MYLK4: variants seen among roughly 807,000 people sequenced by gnomAD.
The protein encoded by MYLK4 is caMLCK like.
A neutral mutation model predicts 48.1 loss-of-function variants in MYLK4; 46 were observed. The observed-to-expected ratio is 0.96, with a 90% CI of 0.75 to 1.22. The LOEUF (loss-of-function observed/expected upper bound fraction) is 1.22, where lower values mean the gene tolerates loss of function less well. Among genes scored for constraint, MYLK4 ranks in the 50% most tolerant of loss-of-function variants. The probability of loss-of-function intolerance (pLI) is 0.00; values close to 1 mark genes in which losing one functional copy is unlikely to be tolerated. For missense variants in MYLK4, 451 were observed against 486.1 expected (o/e 0.93, Z 0.68); for synonymous variants, 170 against 180.8 (o/e 0.94, Z 0.48).
chr6:2,703,662 A>ATTTTTTTTT (rs759946900), intron 2 of MYLK4, among the ~76,000 whole-genome samples: 1 of 62,138 alleles, frequency 1.6e-5, no homozygotes, highest in African/African-American at 6.6e-5. Flanking sequence ...CCCTTTGTGA[A>ATTTTTTTTT]TTCTTTTTTT....
At chr6:2,764,546 C>T in the MYLK4 span, among the ~76,000 whole-genome samples, 9 of 138,504 alleles carry the variant, frequency 6.5e-5, no homozygotes, top group African/African-American at 2.2e-4. Flanking sequence ...TGTTTTAAAA[C>T]GGGAGACTTA....
chr6:2,747,476 G>T (rs1764138326), intron 2 of MYLK4, among the ~76,000 whole-genome samples: 1 of 152,048 alleles, frequency 6.6e-6, no homozygotes, highest in African/African-American at 2.4e-5. Context: ...CTCCCAAGTA[G>T]CTGGGACTAC....
In MYLK4 at chr6:2,678,387, G is replaced by A. The variant is rs780536366; in HGVS notation, c.888-15C>T. On this transcript the variant is annotated splice_polypyrimidine_tract_variant and intron_variant, in intron 9 of 12. Transcript: ENST00000274643. Reference sequence around the variant, plus strand: ...AACCGCTAAGTCTGGAGGACACGGGGTCCAGAGTGAGTATTTTTTAAACAG... The same window carrying A: ...AACCGCTAAGTCTGGAGGACACGGGATCCAGAGTGAGTATTTTTTAAACAG... 1.1e-5 allele frequency: 18 copies of A among 1,612,090 alleles called. No individual in the cohort carries two copies. Among genetic ancestry groups the A allele is most frequent in the Non-Finnish European group, 1.5e-5 (18 of 1,179,126 alleles).
chr6:2,695,379 T>C (rs77781637), intron 2 of MYLK4, among the ~76,000 whole-genome samples: 16,258 of 152,240 alleles, frequency 0.11, 1,014 homozygotes, highest in East Asian at 0.24. Flanking sequence ...TAAGACTCCA[T>C]GGAGCACTGA....
At chr6:2,759,140 A>G in the MYLK4 span, among the ~76,000 whole-genome samples, 45 of 152,214 alleles carry the variant, frequency 3.0e-4, no homozygotes, top group Admixed American at 2.9e-3. Flanking sequence ...TTTTAGAGAC[A>G]GGTCTTACTC....
At chr6:2,768,785 G>T in the MYLK4 span, 2 of 1,613,802 alleles carry the variant, frequency 1.2e-6, no homozygotes, top group African/African-American at 1.3e-5. Flanking sequence ...AATGATGTGC[G>T]AGATGTCATA....
chr6:2,716,646 A>T (rs1762875745), intron 2 of MYLK4, among the ~76,000 whole-genome samples: 1 of 152,100 alleles, frequency 6.6e-6, no homozygotes, highest in Non-Finnish European at 1.5e-5. Context: ...AGTAGGGGAA[A>T]CTGATCCACA....
intron 3 of MYLK4, among the ~76,000 whole-genome samples, chr6:2,690,327 A>G (rs1235689772): frequency 6.6e-6 from 1 of 151,592 alleles, no homozygotes; most frequent in Non-Finnish European, 1.5e-5. Context: ...CTCCTCTGCC[A>G]CTCCACGCTT....
At chr6:2,721,850 C>A (rs1763080867) in intron 2 of MYLK4, among the ~76,000 whole-genome samples, 1 of 152,234 alleles carries the variant, frequency 6.6e-6, no homozygotes, top group Admixed American at 6.5e-5. Context: ...GACTTCTCAA[C>A]AGCTGCATGA....
At chr6:2,725,436 C>T (rs1279480488) in intron 2 of MYLK4, among the ~76,000 whole-genome samples, 1 of 151,796 alleles carries the variant, frequency 6.6e-6, no homozygotes, top group Non-Finnish European at 1.5e-5. Context: ...GATTGCACTA[C>T]TGCACTCCAG....
intron 2 of MYLK4, among the ~76,000 whole-genome samples, chr6:2,707,633 C>G (rs1762539172): frequency 6.6e-6 from 1 of 152,174 alleles, no homozygotes; most frequent in Non-Finnish European, 1.5e-5. Context: ...GTGTTAAGCA[C>G]ATTTTATGAA....
chr6:2,692,940 G>A lies in MYLK4; in HGVS notation c.160-81C>T, dbSNP rs567960083. 1.1e-4 allele frequency: 140 copies of A among 1,281,382 alleles called. No homozygotes were observed. The Admixed American group carries it at 2.2e-3, about 20-fold the overall frequency. 79.4% of individuals were successfully genotyped at this position (1,281,382 alleles called of 1,614,324 possible). Reference sequence around the variant, plus strand: ...CTCAGCACTCCTGACACTTGCGCTGGATGATTCCGTGTGGTGGGGAATGTC... The same window carrying A: ...CTCAGCACTCCTGACACTTGCGCTGAATGATTCCGTGTGGTGGGGAATGTC... On this transcript the variant is annotated intron_variant, in intron 2 of 12. Transcript: ENST00000274643.
intron 6 of MYLK4, among the ~76,000 whole-genome samples, chr6:2,684,108 A>G (rs1422373064): frequency 2.0e-5 from 3 of 152,206 alleles, no homozygotes; most frequent in Non-Finnish European, 1.5e-5. Flanking sequence ...GAACAATTAT[A>G]ACAACACGCC....
chr6:2,671,119 G>T (rs149398286), intron 12 of MYLK4, among the ~76,000 whole-genome samples, 157 bp downstream of exon 12: 1 of 152,244 alleles, frequency 6.6e-6, no homozygotes, highest in East Asian at 1.9e-4. Context: ...AAGAGCAGAG[G>T]CAGGGTGCAA....
chr6:2,709,370 T>A (rs527660353), intron 2 of MYLK4, among the ~76,000 whole-genome samples: 94 of 152,370 alleles, frequency 6.2e-4, no homozygotes, highest in African/African-American at 2.2e-3. Context: ...AGTGGTGCCA[T>A]GAGACTTGCG....
chr6:2,681,529 AC>A (rs1377364303), intron 7 of MYLK4, among the ~76,000 whole-genome samples: 1 of 152,144 alleles, frequency 6.6e-6, no homozygotes, highest in Non-Finnish European at 1.5e-5. Context: ...ATATAGAGAA[AC>A]CGTTTTGAGG....
In MYLK4 at chr6:2,667,642, A is replaced by T. The variant is rs12199057; in HGVS notation, c.*283T>A. 0.22 allele frequency: 33,374 copies of T among 152,414 alleles called. 4,388 individuals carry two copies. Among genetic ancestry groups the T allele is most frequent in the Non-Finnish European group, 0.3 (20,606 of 67,902 alleles). The allele number at this position is 152,414 out of a possible 1,614,324, so 9.4% of individuals were successfully genotyped here. The stretch of plus-strand genomic sequence containing the variant: ...TAAGATCAAAAAATTTTTTTAAAAA[A>T]GTAAAAAATCTCAAGATGGCAGGGA... On this transcript the variant is annotated 3_prime_UTR_variant, in exon 13 of 13. Transcript: ENST00000274643.
At chr6:2,687,398 G>C (rs554954023) in intron 4 of MYLK4, among the ~76,000 whole-genome samples, 1 of 152,296 alleles carries the variant, frequency 6.6e-6, no homozygotes, top group African/African-American at 2.4e-5. Flanking sequence ...CTAGACTGCA[G>C]TACCAAAGAG....
the MYLK4 span, among the ~76,000 whole-genome samples, chr6:2,764,808 C>A: frequency 2.6e-5 from 4 of 152,184 alleles, no homozygotes; most frequent in African/African-American, 7.2e-5. Flanking sequence ...GCCAACACAT[C>A]TAAAAGGGGG....
Sources: gnomAD v4.1 joint callset for allele counts (sites outside exome capture counted in the v4.1 genomes callset) on GRCh38, gnomAD v4.1.1 for gene constraint, MANE v1.5 for transcripts, NCBI Gene and HGNC (gene_info 2026-07-23, HGNC 2026-07-21) for gene names.